Variants in CNOT6L observed in about 807,000 individuals in gnomAD.
CNOT6L encodes the protein CCR4-NOT transcription complex subunit 6 like.
A neutral mutation model predicts 64.0 loss-of-function variants in CNOT6L; 7 were observed. The observed-to-expected ratio is 0.11, with a 90% CI of 0.06 to 0.21. The LOEUF is 0.21. CNOT6L is among the 10% of genes least tolerant of loss of function. CNOT6L has a pLI of 1.00. For missense variants in CNOT6L, 245 were observed against 669.0 expected (o/e 0.37, Z 6.99); for synonymous variants, 193 against 243.4 (o/e 0.79, Z 1.93).
At position 77,715,391 on chromosome 4, in the gene CNOT6L, T is replaced by A. The variant is rs1252569919; in HGVS notation, c.*5040A>T. On this transcript the variant is annotated 3_prime_UTR_variant, in exon 12 of 12. Transcript: ENST00000504123. Reference sequence around the variant, plus strand: ...CAATTAATAAGCACAAATGTCCTTATGTCATAGGCTTTGAAAGTGAAAACT... The same window carrying A: ...CAATTAATAAGCACAAATGTCCTTAAGTCATAGGCTTTGAAAGTGAAAACT... The A allele has an allele frequency of 6.6e-6, 1 of 152,206 alleles. No individual in the cohort carries two copies. Among genetic ancestry groups the A allele is most frequent in the Non-Finnish European group, 1.5e-5 (1 of 68,026 alleles). 9.4% of individuals were successfully genotyped at this position (152,206 alleles called of 1,614,324 possible).
At chr4:77,734,544 T>C (rs544736279) in intron 8 of CNOT6L, among the ~76,000 whole-genome samples, 7 of 152,278 alleles carry the variant, frequency 4.6e-5, no homozygotes, top group African/African-American at 7.2e-5. Context: ...GTAATGAACA[T>C]TGCTACATAT....
At position 77,774,559 on chromosome 4, in the gene CNOT6L, T is replaced by C; in HGVS notation, c.285A>G (p.Pro95=). Residue 95 remains proline, a synonymous_variant, in exon 3 of 12, where the codon CCA becomes CCG. Transcript: ENST00000504123. ...GAGACACCATGTTTCCTAGTTCTGCTGGTAAACTTCTGAGTTTATTGGATG... is the reference window on the plus strand; with the variant it reads ...GAGACACCATGTTTCCTAGTTCTGCCGGTAAACTTCTGAGTTTATTGGATG... ...DLSSNKLRSL[P]AELGNMVSLR... The C allele has an allele frequency of 6.2e-7, 1 of 1,612,638 alleles. No individual in the cohort carries two copies. Among genetic ancestry groups the C allele is most frequent in the Middle Eastern group, 1.7e-4 (1 of 6,052 alleles).
chr4:77,783,557 C>A (rs981182669), intron 1 of CNOT6L, among the ~76,000 whole-genome samples: 12 of 152,284 alleles, frequency 7.9e-5, no homozygotes, highest in African/African-American at 2.9e-4. Context: ...AATAAAACAT[C>A]CTTATCACAA....
intron 1 of CNOT6L, among the ~76,000 whole-genome samples, chr4:77,802,131 A>AATAC (rs1409687132): frequency 2.6e-5 from 4 of 152,222 alleles, no homozygotes; most frequent in Admixed American, 6.5e-5. Context: ...CAGTAGTTCT[A>AATAC]ATACAGGTTG....
At chr4:77,815,270 A>G (rs1234364781) in intron 1 of CNOT6L, among the ~76,000 whole-genome samples, 1 of 152,246 alleles carries the variant, frequency 6.6e-6, no homozygotes, top group African/African-American at 2.4e-5. Context: ...GCCAGAACTC[A>G]TTAAAGCACA....
intron 1 of CNOT6L, among the ~76,000 whole-genome samples, chr4:77,813,263 A>C (rs184749406): frequency 6.8e-6 from 1 of 147,682 alleles, no homozygotes. Context: ...AGGGAAGTAA[A>C]TATCTGTGGC....
At chr4:77,816,851 T>C (rs1020122088) in intron 1 of CNOT6L, among the ~76,000 whole-genome samples, 2 of 152,300 alleles carry the variant, frequency 1.3e-5, no homozygotes, top group Non-Finnish European at 2.9e-5. Context: ...ATCTTTACCT[T>C]AAATTCCATA....
chr4:77,759,699 T>TA (rs762768329), intron 4 of CNOT6L, among the ~76,000 whole-genome samples: 1 of 152,138 alleles, frequency 6.6e-6, no homozygotes, highest in Admixed American at 6.5e-5. Context: ...CCCAAAGAGT[T>TA]ACACGAATTG....
chr4:77,756,355 A>T (rs975229299), intron 5 of CNOT6L, among the ~76,000 whole-genome samples: 3 of 152,238 alleles, frequency 2.0e-5, no homozygotes, highest in African/African-American at 7.2e-5. Flanking sequence ...TATTTAAATA[A>T]ATCTGGTGTT....
intron 9 of CNOT6L, among the ~76,000 whole-genome samples, chr4:77,731,090 C>G (rs780303981): frequency 6.6e-6 from 1 of 152,046 alleles, no homozygotes; most frequent in Non-Finnish European, 1.5e-5. Flanking sequence ...TTTCTAAATT[C>G]AGCCTAACCA....
chr4:77,753,914 A>C (rs1173495414), intron 5 of CNOT6L, among the ~76,000 whole-genome samples: 1 of 151,638 alleles, frequency 6.6e-6, no homozygotes, highest in African/African-American at 2.4e-5. Context: ...AAAAAAAAAA[A>C]AAAAACTTGC....
At chr4:77,748,789 G>T (rs1385634499) in intron 5 of CNOT6L, among the ~76,000 whole-genome samples, 2 of 152,062 alleles carry the variant, frequency 1.3e-5, no homozygotes, top group Admixed American at 6.5e-5. Flanking sequence ...ACAGAAAAAA[G>T]TACATATGGA....
chr4:77,735,721 TG>T (rs1722878455), intron 8 of CNOT6L, among the ~76,000 whole-genome samples: 2 of 152,204 alleles, frequency 1.3e-5, no homozygotes, highest in Admixed American at 1.3e-4. Flanking sequence ...AGCTGTTTTT[TG>T]TTGATCGTCA....
At chr4:77,751,562 A>G (rs1004753882) in intron 5 of CNOT6L, among the ~76,000 whole-genome samples, 3 of 152,206 alleles carry the variant, frequency 2.0e-5, no homozygotes, top group African/African-American at 7.2e-5. Flanking sequence ...TAAACTTCAA[A>G]TATCAAGAGC....
At chr4:77,740,083 A>C (rs1350425922) in intron 8 of CNOT6L, among the ~76,000 whole-genome samples, 1 of 152,062 alleles carries the variant, frequency 6.6e-6, no homozygotes, top group African/African-American at 2.4e-5. Context: ...ATAGGTAACA[A>C]ATATCGTCAG....
chr4:77,765,742 C>G (rs1166967685), intron 4 of CNOT6L, among the ~76,000 whole-genome samples: 1 of 152,196 alleles, frequency 6.6e-6, no homozygotes, highest in African/African-American at 2.4e-5. Flanking sequence ...TTATCTGTCT[C>G]TTGATACTGA....
chr4:77,732,681 G>T lies in CNOT6L; in HGVS notation c.873-1143C>A, dbSNP rs548992436. ...ACTATAGTTTCTACCCTCTAAAGAG[G>T]TAATCTATAAGCTTAAATATGACAG... On this transcript the variant is annotated intron_variant, in intron 8 of 11. Coordinates refer to ENST00000504123, the MANE Select transcript of CNOT6L (RefSeq NM_144571.3). Among the ~76,000 whole-genome samples, 8 of 152,134 alleles carry T rather than the reference G, an allele frequency of 5.3e-5. No homozygotes were observed. In the Middle Eastern group the frequency reaches 0.01, roughly 194 times the overall value.
At chr4:77,787,713 A>G (rs1729612603) in intron 1 of CNOT6L, among the ~76,000 whole-genome samples, 1 of 152,196 alleles carries the variant, frequency 6.6e-6, no homozygotes, top group Admixed American at 6.5e-5. Context: ...GGTGCAGCAA[A>G]TGATGATGAC....
intron 4 of CNOT6L, among the ~76,000 whole-genome samples, chr4:77,767,908 G>A (rs1013043913): frequency 4.7e-5 from 7 of 150,420 alleles, no homozygotes; most frequent in Middle Eastern, 3.5e-3. Flanking sequence ...GAACCCAGGA[G>A]GCAGAGGTTG....
Sources: allele counts gnomAD v4.1 joint callset (sites outside exome capture counted in the v4.1 genomes callset), GRCh38; gene constraint gnomAD v4.1.1; transcripts MANE v1.5; gene names NCBI Gene and HGNC (gene_info 2026-07-23, HGNC 2026-07-21).